The following MAP3K20 variants were observed in gnomAD, a reference collection of about 807,000 sequenced individuals.
MAP3K20 encodes the protein HCCS-4.
A neutral mutation model predicts 85.7 loss-of-function variants in MAP3K20; 40 were observed. The ratio of observed to expected loss-of-function variants is 0.47; its 90% CI spans 0.36 to 0.61. The LOEUF is 0.61. Among genes scored for constraint, MAP3K20 ranks in the 20% least tolerant of loss-of-function variants. The probability of loss-of-function intolerance (pLI) is 0.00; values close to 1 mark genes in which losing one functional copy is unlikely to be tolerated. For synonymous variants in MAP3K20, 325 were observed against 327.7 expected (o/e 0.99, Z 0.09); for missense variants, 817 against 961.7 (o/e 0.85, Z 1.99).
intron 2 of MAP3K20, among the ~76,000 whole-genome samples, chr2:173,133,643 T>A (rs1204514741): frequency 6.6e-6 from 1 of 152,136 alleles, no homozygotes; most frequent in African/African-American, 2.4e-5. Context: ...CGTGGTGGGC[T>A]TGTTAAAACA....
At chr2:173,084,432 A>G (rs1687092667) in intron 1 of MAP3K20, among the ~76,000 whole-genome samples, 1 of 151,838 alleles carries the variant, frequency 6.6e-6, no homozygotes, top group Non-Finnish European at 1.5e-5. Context: ...TGCAAAAAAA[A>G]AAAAAGAAAA....
At chr2:173,138,267 C>T (rs926780079) in intron 2 of MAP3K20, among the ~76,000 whole-genome samples, 8 of 152,198 alleles carry the variant, frequency 5.3e-5, no homozygotes, top group African/African-American at 1.9e-4. Context: ...CCGTGCCTGG[C>T]AAATACTTGT....
intron 2 of MAP3K20, among the ~76,000 whole-genome samples, chr2:173,156,166 A>G (rs1689462268): frequency 6.6e-6 from 1 of 152,232 alleles, no homozygotes; most frequent in Non-Finnish European, 1.5e-5. Context: ...TGGTAGAATA[A>G]TGAATTGTTG....
rs2106361270 is a variant in MAP3K20 at position 173,266,308 on chromosome 2, C to A, written c.1961C>A (p.Ser654Tyr). ...AACTTCTCTTCCCTACATCTCAACT[C>A]TAGGGACAGTGGCTTTTCCAGTGGC... is the stretch of plus-strand genomic sequence containing the variant. ...TKNFSSLHLN[S>Y]RDSGFSSGNT... Residue 654 changes from serine (S) to tyrosine (Y), a missense_variant, in exon 20 of 20, where the codon TCT becomes TAT. By Grantham distance (144) the Ser-to-Tyr change is moderately radical. This residue lies in a region of MAP3K20 where 454 missense variants were observed against 476.9 expected (regional missense o/e 0.95). Coordinates refer to ENST00000375213, the MANE Select transcript of MAP3K20 (RefSeq NM_016653.3). 6.2e-7 allele frequency: 1 copy of A among 1,614,142 alleles called. No individual in the cohort carries two copies. The highest frequency in any genetic ancestry group is 8.5e-7 in the Non-Finnish European group (1 of 1,180,022).
rs187013208 is a variant in MAP3K20 at position 173,157,094 on chromosome 2, G to A, written c.160-12711G>A. ...TTTGTTAGCGAAAGGAAAGATGGTG[G>A]CTGGAGTGATGGTTATTAAGTATGA... On this transcript the variant is annotated intron_variant, in intron 2 of 19. Transcript: ENST00000375213. 3.3e-5 allele frequency among the ~76,000 whole-genome samples: 5 copies of A among 152,316 alleles called. No individual in the cohort carries two copies. In the East Asian group the frequency reaches 9.6e-4, roughly 29 times the overall value.
In MAP3K20 at chr2:173,198,279, A is replaced by G. The variant is rs1690917753; in HGVS notation, c.669+167A>G. 1.9e-6 allele frequency: 1 copy of G among 525,092 alleles called. No individual in the cohort carries two copies. The highest frequency in any genetic ancestry group is 1.9e-5 in the African/African-American group (1 of 51,532). 32.5% of individuals were successfully genotyped at this position (525,092 alleles called of 1,614,324 possible). A position where few individuals can be genotyped will look rare whatever the true frequency, so the allele number is the denominator to read the frequency against. ...AAGTGATGTTATTCCTCATGAATGG[A>G]CCCTTTACATCTAATTGTTGCAGCT... On this transcript the variant is annotated intron_variant, in intron 8 of 19. Transcript: ENST00000375213. The surrounding 1 kb of genome is among the most constrained non-coding windows in gnomAD (Gnocchi z 5.8).
chr2:173,136,693 A>G (rs1688809627), intron 2 of MAP3K20, among the ~76,000 whole-genome samples: 1 of 152,218 alleles, frequency 6.6e-6, no homozygotes, highest in South Asian at 2.1e-4. Flanking sequence ...AGTGCCTTTG[A>G]TAGGAGAAAT....
chr2:173,222,162 C>CA, intron 11 of MAP3K20: 1 of 949,064 alleles, frequency 1.1e-6, no homozygotes, highest in Non-Finnish European at 1.3e-6. Context: ...GCCATGATGG[C>CA]ACCACTGCAC....
chr2:173,134,421 TATATATA>T (rs1423132028), intron 2 of MAP3K20, among the ~76,000 whole-genome samples: 1 of 23,970 alleles, frequency 4.2e-5, no homozygotes, highest in Non-Finnish European at 8.1e-5. Context: ...TATATATATA[TATATATA>T]TTTTTTTTTT....
At chr2:173,249,736 T>TA (rs1309792653) in intron 16 of MAP3K20, among the ~76,000 whole-genome samples, 1 of 152,164 alleles carries the variant, frequency 6.6e-6, no homozygotes, top group African/African-American at 2.4e-5. Context: ...TAGCAAGACT[T>TA]ACTATTATTT....
chr2:173,202,326 T>TA (rs1691094686), intron 8 of MAP3K20, among the ~76,000 whole-genome samples: 1 of 152,254 alleles, frequency 6.6e-6, no homozygotes, highest in East Asian at 1.9e-4. Context: ...GGATTATCTG[T>TA]AATTCAGAAT....
chr2:173,082,965 G>A (rs959464607), intron 1 of MAP3K20, among the ~76,000 whole-genome samples: 19 of 152,382 alleles, frequency 1.2e-4, no homozygotes, highest in Middle Eastern at 3.4e-3. Context: ...GTAAGGAAGT[G>A]TGTTGTGGAA....
intron 1 of MAP3K20, among the ~76,000 whole-genome samples, chr2:173,089,173 C>T (rs907411408): frequency 1.5e-5 from 2 of 137,112 alleles, no homozygotes; most frequent in Admixed American, 7.1e-5. Context: ...ACCCCTTCTA[C>T]CTTTTTATTT....
chr2:173,123,158 A>C (rs762248762), intron 2 of MAP3K20, among the ~76,000 whole-genome samples: 14 of 152,104 alleles, frequency 9.2e-5, no homozygotes, highest in South Asian at 2.1e-4. Flanking sequence ...TGGCATTTCA[A>C]CCTCATTACA....
chr2:173,107,076 T>TA (rs1687802852), intron 2 of MAP3K20, among the ~76,000 whole-genome samples: 1 of 152,102 alleles, frequency 6.6e-6, no homozygotes, highest in Non-Finnish European at 1.5e-5. Flanking sequence ...GAGCTGGGGC[T>TA]AAAATCATTA....
chr2:173,170,759 C>T (rs924836173), intron 3 of MAP3K20, among the ~76,000 whole-genome samples: 1 of 152,046 alleles, frequency 6.6e-6, no homozygotes, highest in African/African-American at 2.4e-5. Context: ...CCTATGAGAT[C>T]GATAAAATAA....
intron 2 of MAP3K20, among the ~76,000 whole-genome samples, chr2:173,151,808 G>C (rs13031358): frequency 0.99 from 151,080 of 152,340 alleles, 74,931 homozygotes; most frequent in Middle Eastern, 1. Context: ...CAGTATTTCT[G>C]CTATGGACTA....
At chr2:173,182,273 G>A (rs940126023) in intron 3 of MAP3K20, among the ~76,000 whole-genome samples, 1 of 152,160 alleles carries the variant, frequency 6.6e-6, no homozygotes, top group African/African-American at 2.4e-5. Flanking sequence ...GTGATGGAAA[G>A]GTTCTAAGAC....
At chr2:173,221,240 A>AT in intron 11 of MAP3K20, 1 of 1,613,936 alleles carries the variant, frequency 6.2e-7, no homozygotes, top group Non-Finnish European at 8.5e-7. Flanking sequence ...GTCATGTCAG[A>AT]TCACAGCAAC....
Sources: allele counts gnomAD v4.1 joint callset (sites outside exome capture counted in the v4.1 genomes callset), GRCh38; gene constraint gnomAD v4.1.1; regional missense constraint gnomAD v4.1.1; non-coding constraint Gnocchi (gnomAD v3.1); transcripts MANE v1.5; gene names NCBI Gene and HGNC (gene_info 2026-07-23, HGNC 2026-07-21).